The following PUS7L variants were observed in gnomAD, a reference collection of about 807,000 sequenced individuals.
The protein encoded by PUS7L is pseudouridylate synthase PUS7L.
Under a neutral mutation model 51.1 loss-of-function variants are expected in PUS7L, and 49 were observed. That is an observed-to-expected ratio of 0.96 (90% CI 0.76 to 1.22). The LOEUF (loss-of-function observed/expected upper bound fraction) is 1.22. PUS7L is among the 50% of genes most tolerant of loss of function. The pLI is 0.00. For missense variants in PUS7L, 828 were observed against 820.6 expected, an observed-to-expected ratio of 1.01 and a Z score of -0.11; for synonymous variants, 277 against 276.2, an observed-to-expected ratio of 1.00 and a Z score of -0.03.
intron 1 of PUS7L, among the ~76,000 whole-genome samples, chr12:43,757,422 C>T (rs1044721886): frequency 3.3e-5 from 5 of 152,190 alleles, no homozygotes; most frequent in South Asian, 2.1e-4. Flanking sequence ...CCACCCGCCT[C>T]GGCCTCCCAA....
Position 43,742,480 on chromosome 12 carries a change from G to C in PUS7L, c.1339C>G (p.Leu447Val). ...ACCATTTCATTCTTCAGCAAAGCTAGTCCAATTTGGTCTGTGTGAACTTTC... is the reference window on the plus strand; with the variant it reads ...ACCATTTCATTCTTCAGCAAAGCTACTCCAATTTGGTCTGTGTGAACTTTC... Reference protein sequence around the residue: ...GRKVHTDQIGLALLKNEMMKA... With the variant: ...GRKVHTDQIGVALLKNEMMKA... Residue 447 changes from leucine (L) to valine (V), a missense_variant, in exon 5 of 9, where the codon CTA (leucine) becomes GTA (valine). Physicochemically the swap from Leu to Val is conservative, Grantham distance 32. Coordinates refer to ENST00000344862, the MANE Select transcript of PUS7L (RefSeq NM_031292.5). The C allele has an allele frequency of 6.2e-7, 1 of 1,608,730 alleles. No homozygotes were observed. The highest frequency in any genetic ancestry group is 8.5e-7 in the Non-Finnish European group (1 of 1,177,564).
At chr12:43,733,417 G>A (rs748308195) in intron 7 of PUS7L, among the ~76,000 whole-genome samples, 2 of 151,944 alleles carry the variant, frequency 1.3e-5, no homozygotes, top group African/African-American at 4.8e-5. Context: ...ATAAGTGATC[G>A]ATCTTAAAAT....
intron 4 of PUS7L, among the ~76,000 whole-genome samples, chr12:43,742,945 T>C (rs1265053047): frequency 2.0e-5 from 3 of 152,186 alleles, no homozygotes; most frequent in Non-Finnish European, 2.9e-5. Flanking sequence ...TTCGGCTGTC[T>C]GGAGATGTCG....
At chr12:43,736,341 A>T (rs1944687893) in intron 7 of PUS7L, 40 bp downstream of exon 7, 1 of 1,565,538 alleles carries the variant, frequency 6.4e-7, no homozygotes, top group Non-Finnish European at 8.7e-7. Context: ...GTTCTGGTAT[A>T]GTAACTACTC....
chr12:43,750,449 G>C (rs752194600), intron 2 of PUS7L, among the ~76,000 whole-genome samples: 5 of 152,066 alleles, frequency 3.3e-5, no homozygotes, highest in Admixed American at 6.5e-5. Context: ...AGCAATATGG[G>C]AACATTTACA....
chr12:43,732,628 CAAACAGAAAGGCAG>C (rs1258646657), intron 7 of PUS7L, among the ~76,000 whole-genome samples: 4 of 152,114 alleles, frequency 2.6e-5, no homozygotes, highest in Admixed American at 6.5e-5. Context: ...CATGAAAGCT[CAAACAGAAAGGCAG>C]CTATTCTCTC....
At chr12:43,746,729 T>A (rs1266205192) in intron 3 of PUS7L, among the ~76,000 whole-genome samples, 2 of 152,226 alleles carry the variant, frequency 1.3e-5, no homozygotes, top group Non-Finnish European at 2.9e-5. Flanking sequence ...TGTATGACCC[T>A]ATAAGGGCTG....
At chr12:43,730,802 AAT>A (rs1195634146) in intron 8 of PUS7L, 100 bp from the exon 9 acceptor site, 13 of 731,010 alleles carry the variant, frequency 1.8e-5, no homozygotes, top group African/African-American at 3.6e-5. Flanking sequence ...GATTTGTAAA[AAT>A]AGTCTCAGAA....
chr12:43,724,749 A>G lies in PUS7L; in HGVS notation c.*5627T>C, dbSNP rs1944433951. On this transcript the variant is annotated 3_prime_UTR_variant, in exon 9 of 9. Transcript: ENST00000344862. ...GATTTCAGGGATTCTCAACTGTACC[A>G]GTATATTTCCCATACTCTAATCCTT... The G allele has an allele frequency of 6.6e-6, 1 of 152,196 alleles. No homozygotes were observed. Among genetic ancestry groups the G allele is most frequent in the Non-Finnish European group, 1.5e-5 (1 of 68,016 alleles). 9.4% of individuals were successfully genotyped at this position (152,196 alleles called of 1,614,324 possible).
Position 43,754,917 on chromosome 12 carries a change from G to C in PUS7L, c.329C>G (p.Thr110Ser), listed in dbSNP as rs1177660348. Residue 110 changes from threonine to serine, a missense_variant, in exon 2 of 9, where the codon ACT becomes AGT. Transcript: ENST00000344862. ...NHQSGSEKED[T>S]IVDGTSKCEE... Reference sequence around the variant, plus strand: ...ACATTTGGAAGTTCCATCAACGATAGTATCTTCCTTTTCTGAACCAGACTG... The same window carrying C: ...ACATTTGGAAGTTCCATCAACGATACTATCTTCCTTTTCTGAACCAGACTG... 8 of 1,613,732 alleles carry C rather than the reference G, an allele frequency of 5.0e-6. No homozygotes were observed. The highest frequency in any genetic ancestry group is 6.8e-6 in the Non-Finnish European group (8 of 1,179,856).
rs1399974945 is a variant in PUS7L, at chr12:43,720,492, A to G, written c.*9884T>C. The G allele has an allele frequency of 1.3e-5, 2 of 152,192 alleles. No homozygotes were observed. The highest frequency in any genetic ancestry group is 1.9e-4 in the East Asian group (1 of 5,200). The allele number at this position is 152,192 out of a possible 1,614,324, so 9.4% of individuals were successfully genotyped here. On this transcript the variant is annotated 3_prime_UTR_variant, in exon 9 of 9. Transcript: ENST00000344862. ...CTCCATCACAAAAAACAAAAAATAA[A>G]TAAGTGCATCTCTTAATTTCTGATA... is the stretch of plus-strand genomic sequence containing the variant.
Position 43,754,679 on chromosome 12 carries a change from TAC to T in PUS7L, c.565_566del (p.Val189ArgfsTer5), listed in dbSNP as rs746985869. 1.9e-6 allele frequency: 3 copies of T among 1,613,804 alleles called. No homozygotes were observed. Among genetic ancestry groups the T allele is most frequent in the Admixed American group, 1.7e-5 (1 of 60,008 alleles). On this transcript the variant is annotated frameshift_variant, in exon 2 of 9. Transcript: ENST00000344862. LOFTEE classifies it high-confidence loss of function. ...TTACAACAATTTCACTGTTTTTTCC[TAC>T]AGTTACTAAAAATGGAAATTTCTGC... ...IRQKFPFLVT[V>X]GKNSEIVVKP... is the part of the protein sequence containing the mutation.
At position 43,754,456 on chromosome 12, in the gene PUS7L, T is replaced by G. The variant is rs1057190; in HGVS notation, c.790A>C (p.Lys264Gln). ...GNLVETKSFSKMNCSAGNPNV... is the reference protein window; with the variant it reads ...GNLVETKSFSQMNCSAGNPNV... The stretch of plus-strand genomic sequence containing the variant: ...GGATTACCAGCACTGCAATTCATTT[T>G]AGAAAAAGATTTGGTTTCCACAAGG... The change falls in exon 2 of 9, where the codon AAA becomes CAA. Residue 264 changes from lysine (K) to glutamine (Q), a missense_variant. Physicochemically the swap from Lys to Gln is moderately conservative, Grantham distance 53 (BLOSUM62 1). Transcript: ENST00000344862. 2.5e-6 allele frequency: 4 copies of G among 1,613,702 alleles called. No homozygotes were observed. Among genetic ancestry groups the G allele is most frequent in the Non-Finnish European group, 3.4e-6 (4 of 1,179,770 alleles).
At chr12:43,748,120 C>T (rs1023415554) in intron 3 of PUS7L, among the ~76,000 whole-genome samples, 3 of 152,078 alleles carry the variant, frequency 2.0e-5, no homozygotes, top group African/African-American at 4.8e-5. Context: ...GTAGGCTTAC[C>T]GGTAACTTCA....
At chr12:43,746,361 G>T in intron 3 of PUS7L, 123 bp from the exon 4 acceptor site, 1 of 517,536 alleles carries the variant, frequency 1.9e-6, no homozygotes, top group East Asian at 3.3e-5. Flanking sequence ...AATTTTTTAA[G>T]AATATTCTAA....
intron 4 of PUS7L, 77 bp from the exon 5 acceptor site, chr12:43,742,632 T>C (rs957783994): frequency 1.5e-5 from 22 of 1,460,532 alleles, no homozygotes; most frequent in Non-Finnish European, 1.9e-5. Flanking sequence ...TGAATTTTTC[T>C]CTTCATAATT....
chr12:43,732,459 GA>G (rs561462389), intron 7 of PUS7L, among the ~76,000 whole-genome samples: 37 of 139,104 alleles, frequency 2.7e-4, no homozygotes, highest in East Asian at 8.2e-4. Flanking sequence ...AAATAAAATT[GA>G]AAAAAAAAAA....
In PUS7L at chr12:43,754,751, T is replaced by G. The variant is rs1326048718; in HGVS notation, c.495A>C (p.Arg165Ser). 2 of 1,613,912 alleles carry G rather than the reference T, an allele frequency of 1.2e-6. No individual in the cohort carries two copies. Among genetic ancestry groups the G allele is most frequent in the African/African-American group, 2.7e-5 (2 of 74,940 alleles). The change falls in exon 2 of 9, where the codon AGA becomes AGC. Residue 165 changes from arginine (R) to serine (S), a missense_variant. Physicochemically the swap from Arg to Ser is moderately radical, Grantham distance 110. Coordinates refer to ENST00000344862, the MANE Select transcript of PUS7L (RefSeq NM_031292.5). ...IGLPPEFSIG[R>S]ILDKNQRASL... is the part of the protein sequence containing the mutation. ...TAGCCCTCTGGTTTTTGTCAAGGATTCTGCCTATTGAGAATTCAGGAGGTA... is the reference window on the plus strand; with the variant it reads ...TAGCCCTCTGGTTTTTGTCAAGGATGCTGCCTATTGAGAATTCAGGAGGTA...
intron 5 of PUS7L, among the ~76,000 whole-genome samples, chr12:43,740,396 C>G (rs898007428): frequency 6.6e-6 from 1 of 152,110 alleles, no homozygotes; most frequent in Non-Finnish European, 1.5e-5. Flanking sequence ...GAGTCATGGT[C>G]TCTGTTCAAC....
Sources: gnomAD v4.1 joint callset for allele counts (sites outside exome capture counted in the v4.1 genomes callset) on GRCh38, gnomAD v4.1.1 for gene constraint, MANE v1.5 for transcripts, NCBI Gene and HGNC (gene_info 2026-07-23, HGNC 2026-07-21) for gene names.